DEAF1: variants seen among roughly 807,000 people sequenced by gnomAD.
The protein encoded by DEAF1 is deformed epidermal autoregulatory factor 1 homolog.
A neutral mutation model predicts 58.9 loss-of-function variants in DEAF1; 53 were observed. That is an observed-to-expected ratio of 0.90 (90% CI 0.72 to 1.13). The LOEUF is 1.13. DEAF1 is among the 50% of genes most tolerant of loss of function. The pLI is 0.00. For synonymous variants in DEAF1, 385 were observed against 340.4 expected (o/e 1.13, Z -1.44); for missense variants, 685 against 791.4 (o/e 0.87, Z 1.61).
upstream of DEAF1, among the ~76,000 whole-genome samples, chr11:696,984 CA>C (rs1362242280): frequency 2.8e-5 from 4 of 142,832 alleles, no homozygotes; most frequent in African/African-American, 1.1e-4. Flanking sequence ...GAGTCTGAGG[CA>C]GGAGAATTGC....
intron 2 of DEAF1, among the ~76,000 whole-genome samples, chr11:691,256 C>G (rs961234491): frequency 6.6e-6 from 1 of 152,272 alleles, no homozygotes; most frequent in African/African-American, 2.4e-5. Context: ...ACGCAGGCCA[C>G]AAGCCCATCT....
At chr11:682,561 G>A (rs192749395) in intron 6 of DEAF1, among the ~76,000 whole-genome samples, 3 of 152,062 alleles carry the variant, frequency 2.0e-5, no homozygotes, top group African/African-American at 7.2e-5. Context: ...CTGTTCTTAC[G>A]GCCTCTCTCT....
Position 649,010 on chromosome 11 carries a change from G to A in DEAF1, c.1594-4356C>T, listed in dbSNP as rs547186274. On this transcript the variant is annotated intron_variant, in intron 11 of 11. Coordinates refer to ENST00000382409, the MANE Select transcript of DEAF1 (RefSeq NM_021008.4). ...TCATGCCTATAATCCCAGCACTTTG[G>A]GAGGCCAAGGTGGGAGGGTTACTTG... Among the ~76,000 whole-genome samples the A allele has an allele frequency of 2.6e-5, 4 of 152,280 alleles. No homozygotes were observed. In the East Asian group the frequency reaches 7.7e-4, roughly 29 times the overall value.
At chr11:689,156 C>T (rs1160449309) in intron 2 of DEAF1, among the ~76,000 whole-genome samples, 2 of 151,944 alleles carry the variant, frequency 1.3e-5, no homozygotes, top group African/African-American at 4.8e-5. Context: ...GAATACAAAA[C>T]CAACCGAGGC....
intron 1 of DEAF1, among the ~76,000 whole-genome samples, chr11:701,886 C>T (rs1387718327): frequency 1.3e-5 from 2 of 152,182 alleles, no homozygotes; most frequent in African/African-American, 4.8e-5. Context: ...CATGGAAATT[C>T]GCCCTCCCCA....
intron 1 of DEAF1, chr11:701,203 G>A (rs929767102): frequency 1.1e-5 from 2 of 179,964 alleles, no homozygotes; most frequent in East Asian, 1.4e-4. Flanking sequence ...TTTTTGAGAC[G>A]AGGTCTCACT....
At chr11:681,471 C>T (rs1241619290) in intron 6 of DEAF1, among the ~76,000 whole-genome samples, 5 of 150,786 alleles carry the variant, frequency 3.3e-5, no homozygotes, top group Non-Finnish European at 7.4e-5. Flanking sequence ...AGTGCAGTGG[C>T]ACAATCTGGG....
At chr11:695,296 A>C (rs1861074741), upstream of DEAF1, 1 of 464,760 alleles carries the variant, frequency 2.2e-6, no homozygotes, top group African/African-American at 2.1e-5. Context: ...CGCCGAGCCG[A>C]GACCGAGTCC....
At chr11:704,494 C>T in intron 1 of DEAF1, 1 of 1,289,336 alleles carries the variant, frequency 7.8e-7, no homozygotes, top group Non-Finnish European at 1.0e-6. Flanking sequence ...CACACCAGCG[C>T]CTGAGCGCCT....
intron 10 of DEAF1, among the ~76,000 whole-genome samples, chr11:656,241 C>A (rs1026456083): frequency 2.0e-5 from 3 of 152,092 alleles, no homozygotes; most frequent in African/African-American, 7.3e-5. Flanking sequence ...TTGCAACCAC[C>A]ACCTTCCAGA....
At chr11:647,410 G>A (rs549550173) in intron 11 of DEAF1, among the ~76,000 whole-genome samples, 6 of 152,248 alleles carry the variant, frequency 3.9e-5, no homozygotes, top group African/African-American at 7.2e-5. Flanking sequence ...AGCCAAGATC[G>A]CGCCGCTGCA....
At chr11:700,560 G>T (rs1861404143) in intron 1 of DEAF1, 3 of 1,359,796 alleles carry the variant, frequency 2.2e-6, no homozygotes, top group Non-Finnish European at 2.1e-6. Flanking sequence ...AAGCTGAGGT[G>T]GCTGCTGCTG....
intron 6 of DEAF1, among the ~76,000 whole-genome samples, chr11:683,814 G>A (rs1401005361): frequency 1.3e-5 from 2 of 152,048 alleles, no homozygotes; most frequent in Non-Finnish European, 2.9e-5. Flanking sequence ...ATTTTCTTTA[G>A]TATCTTCCAC....
At chr11:692,213 C>T in intron 1 of DEAF1, 1 of 176,658 alleles carries the variant, frequency 5.7e-6, no homozygotes, top group Non-Finnish European at 1.2e-5. Context: ...GGCATGCAGA[C>T]AGGCCCTTCA....
At position 674,806 on chromosome 11, in the gene DEAF1, C is replaced by T. The variant is rs777190247; in HGVS notation, c.1256-23G>A. ...ACACTAGAGCATTTGGAAAGCAAAACAAACCAAGAAATTAATACATCTCCT... is the reference window on the plus strand; with the variant it reads ...ACACTAGAGCATTTGGAAAGCAAAATAAACCAAGAAATTAATACATCTCCT... On this transcript the variant is annotated intron_variant, in intron 9 of 11. Transcript: ENST00000382409. 4 of 1,607,398 alleles carry T rather than the reference C, an allele frequency of 2.5e-6. No homozygotes were observed. In the South Asian group the frequency reaches 3.3e-5, roughly 13 times the overall value.
At chr11:680,899 G>A in intron 7 of DEAF1, 64 bp downstream of exon 7, 1 of 1,610,492 alleles carries the variant, frequency 6.2e-7, no homozygotes, top group Non-Finnish European at 8.5e-7. Context: ...TGGGAGTGGT[G>A]ACGAGAGAAG....
chr11:695,347 A>C (rs1439035102), upstream of DEAF1: 3 of 440,482 alleles, frequency 6.8e-6, no homozygotes, highest in Non-Finnish European at 1.2e-5. Flanking sequence ...TGGGAAGCCG[A>C]ATCAGTCCGA....
At chr11:648,947 AATTAC>A (rs1564921469) in intron 11 of DEAF1, among the ~76,000 whole-genome samples, 1 of 152,210 alleles carries the variant, frequency 6.6e-6, no homozygotes, top group African/African-American at 2.4e-5. Context: ...TCACATTGAT[AATTAC>A]ATTAAACATG....
At chr11:684,812 C>G (rs979938751) in intron 6 of DEAF1, 86 bp downstream of exon 6, 1 of 1,202,340 alleles carries the variant, frequency 8.3e-7, no homozygotes, top group Non-Finnish European at 1.2e-6. Context: ...AGGAGGGAAA[C>G]AGCCGAGAGG....
Sources: gnomAD v4.1 joint callset for allele counts (sites outside exome capture counted in the v4.1 genomes callset) on GRCh38, gnomAD v4.1.1 for gene constraint, MANE v1.5 for transcripts, NCBI Gene and HGNC (gene_info 2026-07-23, HGNC 2026-07-21) for gene names.